Variants in ABCG5 observed in about 807,000 individuals in gnomAD.
The protein encoded by ABCG5 is ATP-binding cassette sub-family G member 5.
ABCG5 carries 64 observed loss-of-function variants against 64.5 expected under a neutral mutation model. That is an observed-to-expected ratio of 0.99 (90% confidence interval 0.81 to 1.22). The LOEUF is 1.22. Among genes scored for constraint, ABCG5 ranks in the 50% most tolerant of loss-of-function variants. The pLI is 0.00. For missense variants in ABCG5, 908 were observed against 829.5 expected, an observed-to-expected ratio of 1.09 and a Z score of -1.16; for synonymous variants, 385 against 326.3, an observed-to-expected ratio of 1.18 and a Z score of -1.94.
chr2:43,838,826 G>T lies in ABCG5; in HGVS notation c.-147C>A. The T allele has an allele frequency of 6.9e-7, 1 of 1,447,350 alleles. No homozygotes were observed. Among genetic ancestry groups the T allele is most frequent in the South Asian group, 1.3e-5 (1 of 79,512 alleles). The allele number at this position is 1,447,350 out of a possible 1,614,324, so 89.7% of individuals were successfully genotyped here. On this transcript the variant is annotated 5_prime_UTR_variant, in exon 1 of 13. Coordinates refer to ENST00000405322, the MANE Select transcript of ABCG5 (RefSeq NM_022436.3). This position sits in a 1 kb window ranked among gnomAD's most constrained non-coding sequence, Gnocchi z 4.2. Reference sequence around the variant, plus strand: ...GACAGCAGGACTGGGACTTGGCCACGGAGACCATTATCTGATGTACCTTTA... The same window carrying T: ...GACAGCAGGACTGGGACTTGGCCACTGAGACCATTATCTGATGTACCTTTA...
chr2:43,822,479 C>CCCA, intron 10 of ABCG5: 2 of 668,686 alleles, frequency 3.0e-6, no homozygotes, highest in Non-Finnish European at 3.6e-6. Flanking sequence ...CTCCCCCAGG[C>CCCA]CCCCCCCCAT....
In ABCG5 at chr2:43,838,723, C is replaced by T. The variant is rs775971505; in HGVS notation, c.-44G>A. On this transcript the variant is annotated 5_prime_UTR_variant, in exon 1 of 13. Coordinates refer to ENST00000405322, the MANE Select transcript of ABCG5 (RefSeq NM_022436.3). This position sits in a 1 kb window ranked among gnomAD's most constrained non-coding sequence, Gnocchi z 4.2. ...CTGGGCAAATTTTCTGGTGGCCGGA[C>T]CCTCCCCAGAGTGGCTTCAGTTGGG... is the stretch of plus-strand genomic sequence containing the variant. 3 of 1,606,280 alleles carry T rather than the reference C, an allele frequency of 1.9e-6. No individual in the cohort carries two copies. The highest frequency in any genetic ancestry group is 1.7e-6 in the Non-Finnish European group (2 of 1,176,792).
At chr2:43,808,667 C>G (rs984989678), downstream of ABCG5, among the ~76,000 whole-genome samples, 1 of 152,136 alleles carries the variant, frequency 6.6e-6, no homozygotes, top group Non-Finnish European at 1.5e-5. Context: ...AATTCAAGAG[C>G]TATAGATAGA....
rs116374397 is a variant in ABCG5, at chr2:43,838,291, G to T, written c.143+246C>A. On this transcript the variant is annotated intron_variant, in intron 1 of 12. Transcript: ENST00000405322. The surrounding 1 kb of genome is among the most constrained non-coding windows in gnomAD (Gnocchi z 4.2). Reference sequence around the variant, plus strand: ...ACAGAGGGCAGGCCGTAGACACTGGGTTGGCAGGGCACTGCTGCCACTTTG... The same window carrying T: ...ACAGAGGGCAGGCCGTAGACACTGGTTTGGCAGGGCACTGCTGCCACTTTG... 1.3e-3 allele frequency: 763 copies of T among 600,934 alleles called. 4 individuals are homozygous for T. The African/African-American group carries it at 0.013, about 10-fold the overall frequency. 37.2% of individuals were successfully genotyped at this position (600,934 alleles called of 1,614,324 possible).
Position 43,828,972 on chromosome 2 carries a change from AT to A in ABCG5, c.502-858del, listed in dbSNP as rs200813879. 5.7e-3 allele frequency among the ~76,000 whole-genome samples: 868 copies of A among 151,610 alleles called. 13 individuals are homozygous for A. Among genetic ancestry groups the A allele is most frequent in the East Asian group, 0.029 (150 of 5,152 alleles). ...AGAGCGAGACTCCGATTCAAAAAAAATAATAATAAATAAATAAACAAATAAA... is the reference window on the plus strand; with the variant it reads ...AGAGCGAGACTCCGATTCAAAAAAAAAATAATAAATAAATAAACAAATAAA... On this transcript the variant is annotated intron_variant, in intron 4 of 12. Transcript: ENST00000405322.
chr2:43,828,014 G>A lies in ABCG5; in HGVS notation c.603C>T (p.Val201=), dbSNP rs1667724794. ...GGISTGERRR[V]SIAAQLLQDP... ...CCTGGAGCAGCTGGGCTGCGATGGA[G>A]ACCCGGCGCCGCTCACCCGTGGAAA... Residue 201 remains valine, a synonymous_variant, in exon 5 of 13, where the codon GTC becomes GTT. Coordinates refer to ENST00000405322, the MANE Select transcript of ABCG5 (RefSeq NM_022436.3). 1 of 1,614,096 alleles carries A rather than the reference G, an allele frequency of 6.2e-7. No homozygotes were observed. Among genetic ancestry groups the A allele is most frequent in the East Asian group, 2.2e-5 (1 of 44,884 alleles).
In ABCG5 at chr2:43,824,623, T is replaced by A. The variant is rs1034041164; in HGVS notation, c.905-191A>T. ...AGGGCCTTGAGGATCCCATTGGGAT[T>A]GTCTGGGAGAATTCAGAAGCTCAGC... On this transcript the variant is annotated intron_variant, in intron 7 of 12. Coordinates refer to ENST00000405322, the MANE Select transcript of ABCG5 (RefSeq NM_022436.3). 7 of 985,322 alleles carry A rather than the reference T, an allele frequency of 7.1e-6. No individual in the cohort carries two copies. The African/African-American group carries it at 1.2e-4, about 17-fold the overall frequency. 61.0% of individuals were successfully genotyped at this position (985,322 alleles called of 1,614,324 possible). A position where few individuals can be genotyped will look rare whatever the true frequency, so the allele number is the denominator to read the frequency against.
the ABCG5 span, among the ~76,000 whole-genome samples, chr2:43,806,383 G>GT: frequency 1.3e-5 from 2 of 152,096 alleles, no homozygotes; most frequent in African/African-American, 2.4e-5. Flanking sequence ...AGGAGCCAGG[G>GT]TTTTTTTCTC....
rs1172899550 is a variant in ABCG5 at position 43,832,073 on chromosome 2, T to A, written c.276A>T (p.Lys92Asn). ...CGGACATGGCGTCCAGCAGCGTGGT[T>A]TTCCCGGAGCCTGCGGGGCGACAAC... ...MCILGSSGSG[K>N]TTLLDAMSGR... The change falls in exon 3 of 13, where the codon AAA (lysine) becomes AAT (asparagine). Residue 92 changes from lysine to asparagine, a missense_variant. Coordinates refer to ENST00000405322, the MANE Select transcript of ABCG5 (RefSeq NM_022436.3). 1 of 1,581,042 alleles carries A rather than the reference T, an allele frequency of 6.3e-7. No individual in the cohort carries two copies. The highest frequency in any genetic ancestry group is 1.8e-5 in the Admixed American group (1 of 55,224).
intron 4 of ABCG5, among the ~76,000 whole-genome samples, chr2:43,829,854 T>C (rs72875403): frequency 0.073 from 11,096 of 151,512 alleles, 1,362 homozygotes; most frequent in African/African-American, 0.25. Flanking sequence ...AGTCAGGGAG[T>C]GGGGTTGACG....
chr2:43,817,349 G>A (rs1469739517), intron 11 of ABCG5, among the ~76,000 whole-genome samples: 1 of 151,946 alleles, frequency 6.6e-6, no homozygotes, highest in Non-Finnish European at 1.5e-5. Flanking sequence ...GCTGGGCGTG[G>A]TGGTGCGCAC....
chr2:43,809,544 C>A (rs189272985), downstream of ABCG5, among the ~76,000 whole-genome samples: 466 of 152,204 alleles, frequency 3.1e-3, 3 homozygotes, highest in African/African-American at 0.011. Context: ...AAAATAAGTC[C>A]TAAGCATAAT....
At chr2:43,810,012 A>G (rs945485137), downstream of ABCG5, 1 of 1,088,230 alleles carries the variant, frequency 9.2e-7, no homozygotes, top group African/African-American at 1.6e-5. Flanking sequence ...TACCTCTAAC[A>G]TGTTTAAGTG....
chr2:43,837,905 G>T lies in ABCG5; in HGVS notation c.194C>A (p.Thr65Asn), dbSNP rs773214529. The change falls in exon 2 of 13, where the codon ACC becomes AAC. Residue 65 changes from threonine to asparagine, a missense_variant. Transcript: ENST00000405322. ...WDITSCRQQWTRQILKDVSLY... is the reference protein window; with the variant it reads ...WDITSCRQQWNRQILKDVSLY... ...GGAGACATCTTTGAGGATCTGCCTG[G>T]TCCACTGCTGCCGGCAAGATGTGAT... The T allele has an allele frequency of 3.1e-6, 5 of 1,614,088 alleles. 1 individual carries two copies. In the South Asian group the frequency reaches 3.3e-5, roughly 11 times the overall value.
At position 43,813,128 on chromosome 2, in the gene ABCG5, G is replaced by A; in HGVS notation, c.1944C>T (p.Leu648=). 7.9e-7 allele frequency: 1 copy of A among 1,264,296 alleles called. No individual in the cohort carries two copies. Among genetic ancestry groups the A allele is most frequent in the Non-Finnish European group, 1.2e-6 (1 of 861,264 alleles). The allele number at this position is 1,264,296 out of a possible 1,614,324, so 78.3% of individuals were successfully genotyped here. ...GCCATGGCTTTCACTACCTGCTAAT[G>A]AGATGATCCCTTATTTTGAAAACAA... ...GIVVFKIRDH[L]ISR is the part of the protein sequence containing the mutation. Residue 648 remains leucine (L), a synonymous_variant, in exon 13 of 13, where the codon CTC becomes CTT. Transcript: ENST00000405322.
chr2:43,811,169 C>G (rs1029049045), downstream of ABCG5, among the ~76,000 whole-genome samples: 3 of 152,158 alleles, frequency 2.0e-5, no homozygotes, highest in Non-Finnish European at 4.4e-5. Context: ...CTGTGGGACT[C>G]TCTTTGAACT....
rs1553369673 is a variant in ABCG5 at position 43,822,485 on chromosome 2, C to CCCCCG, written c.1463+311_1463+312insCGGGG. ...CTTTCTCCCCTCCCCCAGGCCCCCC[C>CCCCCG]CCATGCACCTGGGTCCTAGCTACTT... On this transcript the variant is annotated intron_variant, in intron 10 of 12. Transcript: ENST00000405322. 6.5e-6 allele frequency: 6 copies of CCCCCG among 925,836 alleles called. No homozygotes were observed. In the African/African-American group the frequency reaches 1.1e-4, roughly 17 times the overall value. 57.4% of individuals were successfully genotyped at this position (925,836 alleles called of 1,614,324 possible). A position where few individuals can be genotyped will look rare whatever the true frequency, so the allele number is the denominator to read the frequency against.
At chr2:43,817,681 A>C (rs904403969) in intron 11 of ABCG5, among the ~76,000 whole-genome samples, 1 of 151,916 alleles carries the variant, frequency 6.6e-6, no homozygotes, top group African/African-American at 2.4e-5. Context: ...AGGCCAAGGC[A>C]GGCAGATCAC....
chr2:43,809,106 A>G (rs1666385606), downstream of ABCG5, among the ~76,000 whole-genome samples: 1 of 152,020 alleles, frequency 6.6e-6, no homozygotes, highest in Admixed American at 6.6e-5. Context: ...CTCCCACCTC[A>G]GACTCCCAAG....
Sources: allele counts gnomAD v4.1 joint callset (sites outside exome capture counted in the v4.1 genomes callset), GRCh38; gene constraint gnomAD v4.1.1; non-coding constraint Gnocchi (gnomAD v3.1); transcripts MANE v1.5; gene names NCBI Gene and HGNC (gene_info 2026-07-23, HGNC 2026-07-21).